The following RAB37 variants were observed in gnomAD, a reference collection of about 807,000 sequenced individuals.
RAB37 encodes the protein ras-related protein Rab-37.
In RAB37, 29 loss-of-function variants were observed where a neutral mutation model predicts 33.1. The ratio of observed to expected loss-of-function variants is 0.88; its 90% CI spans 0.65 to 1.20. RAB37 has a LOEUF of 1.20. Among genes scored for constraint, RAB37 ranks in the 50% most tolerant of loss-of-function variants. The probability of loss-of-function intolerance (pLI) is 0.00; values close to 1 mark genes in which losing one functional copy is unlikely to be tolerated. For missense variants in RAB37, 299 were observed against 301.1 expected, an observed-to-expected ratio of 0.99 and a Z score of 0.05; for synonymous variants, 128 against 119.5, an observed-to-expected ratio of 1.07 and a Z score of -0.47.
At chr17:74,712,761 T>G in intron 1 of RAB37, 1 of 1,584,440 alleles carries the variant, frequency 6.3e-7, no homozygotes, top group Non-Finnish European at 8.7e-7. Flanking sequence ...CCTTCTTCCC[T>G]CTCTCAGCCA....
intron 1 of RAB37, among the ~76,000 whole-genome samples, chr17:74,726,651 TGGGTG>T (rs906986908): frequency 6.6e-5 from 10 of 151,962 alleles, no homozygotes; most frequent in African/African-American, 2.4e-4. Context: ...GTTCAGGAGG[TGGGTG>T]GGGGCACAGT....
Position 74,744,821 on chromosome 17 carries a change from C to A in RAB37, c.433-52C>A. ...GCCTGCTTCTGGGGCAAAATATGGG[C>A]CCGCTGGGGCGGAGGCCTCCTTCCC... On this transcript the variant is annotated intron_variant, in intron 6 of 8. Transcript: ENST00000392613. The surrounding 1 kb of genome is among the most constrained non-coding windows in gnomAD (Gnocchi z 4.2). 2 of 1,608,458 alleles carry A rather than the reference C, an allele frequency of 1.2e-6. No homozygotes were observed. Among genetic ancestry groups the A allele is most frequent in the Non-Finnish European group, 8.5e-7 (1 of 1,174,868 alleles).
In RAB37 at chr17:74,671,381, G is replaced by T. The variant is rs2280177; in HGVS notation, c.-206G>T. 74,009 of 572,902 alleles carry T rather than the reference G, an allele frequency of 0.13. 5,595 individuals are homozygous for T. The highest frequency in any genetic ancestry group is 0.27 in the African/African-American group (14,237 of 53,310). The allele number at this position is 572,902 out of a possible 1,614,324, so 35.5% of individuals were successfully genotyped here. A position where few individuals can be genotyped will look rare whatever the true frequency, so the allele number is the denominator to read the frequency against. ...GAGTCGCTGTTCCTGGTGCTGAAACGCTCAGTCCTGGAAGAACGTGGCCGC... is the reference window on the plus strand; with the variant it reads ...GAGTCGCTGTTCCTGGTGCTGAAACTCTCAGTCCTGGAAGAACGTGGCCGC... On this transcript the variant is annotated 5_prime_UTR_variant, in exon 1 of 8. Transcript: ENST00000340415. This position sits in a 1 kb window ranked among gnomAD's most constrained non-coding sequence, Gnocchi z 5.0.
chr17:74,712,888 G>C, intron 1 of RAB37: 1 of 1,613,152 alleles, frequency 6.2e-7, no homozygotes, highest in Non-Finnish European at 8.5e-7. Flanking sequence ...ACAGGTCCCC[G>C]TTCCCCTCAG....
At position 74,671,313 on chromosome 17, in the gene RAB37, G is replaced by A. The variant is rs2031698645; in HGVS notation, c.-274G>A. ...GGAGTCCTAAGAGGCAGGGATTGGA[G>A]CGGACAGGATCTCAGAACTCTGGTC... On this transcript the variant is annotated 5_prime_UTR_variant, in exon 1 of 8. Transcript: ENST00000340415. This position sits in a 1 kb window ranked among gnomAD's most constrained non-coding sequence, Gnocchi z 5.0. 2 of 477,796 alleles carry A rather than the reference G, an allele frequency of 4.2e-6. No individual in the cohort carries two copies. The highest frequency in any genetic ancestry group is 7.6e-6 in the Non-Finnish European group (2 of 263,628). The allele number at this position is 477,796 out of a possible 1,614,324, so 29.6% of individuals were successfully genotyped here.
intron 1 of RAB37, among the ~76,000 whole-genome samples, chr17:74,728,230 G>A (rs1189483558): frequency 1.3e-5 from 2 of 151,970 alleles, no homozygotes; most frequent in African/African-American, 2.4e-5. Flanking sequence ...GTGTGCTTGT[G>A]TCTGTATATG....
At chr17:74,701,743 G>A (rs1384519356) in intron 1 of RAB37, among the ~76,000 whole-genome samples, 5 of 151,804 alleles carry the variant, frequency 3.3e-5, no homozygotes, top group South Asian at 4.2e-4. Context: ...GCAGCTACTC[G>A]AGAAGCTGAG....
intron 1 of RAB37, chr17:74,677,719 T>A (rs1030956602): frequency 4.6e-5 from 7 of 152,168 alleles, no homozygotes; most frequent in African/African-American, 1.7e-4. Context: ...GGCTGATAGG[T>A]CGGTCCTGCC....
chr17:74,683,195 G>A lies in RAB37; in HGVS notation c.72+11537G>A, dbSNP rs534976531. ...ACAAACTGCTGTCACCCTATGAAGCGATAGGCTTATTGGGGCTGCAGAGCC... is the reference window on the plus strand; with the variant it reads ...ACAAACTGCTGTCACCCTATGAAGCAATAGGCTTATTGGGGCTGCAGAGCC... On this transcript the variant is annotated intron_variant, in intron 1 of 7. Transcript: ENST00000340415. Among the ~76,000 whole-genome samples the A allele has an allele frequency of 5.3e-4, 81 of 152,304 alleles. 1 individual carries two copies. The South Asian group carries it at 0.015, about 29-fold the overall frequency.
upstream of RAB37, chr17:74,737,208 G>A: frequency 1.3e-6 from 2 of 1,532,916 alleles, no homozygotes; most frequent in South Asian, 2.4e-5. Context: ...GCGGGGCGGG[G>A]GTGGGGCCGT....
chr17:74,724,648 T>C (rs760518481), intron 1 of RAB37, among the ~76,000 whole-genome samples: 1 of 152,174 alleles, frequency 6.6e-6, no homozygotes, highest in Non-Finnish European at 1.5e-5. Context: ...GGTTTGGGGA[T>C]AGGCAGTGGA....
chr17:74,671,343 G>A lies in RAB37; in HGVS notation c.-244G>A, dbSNP rs563849663. 3.7e-6 allele frequency: 2 copies of A among 535,240 alleles called. No homozygotes were observed. The highest frequency in any genetic ancestry group is 2.6e-5 in the South Asian group (1 of 38,394). 33.2% of individuals were successfully genotyped at this position (535,240 alleles called of 1,614,324 possible). A position where few individuals can be genotyped will look rare whatever the true frequency, so the allele number is the denominator to read the frequency against. Reference sequence around the variant, plus strand: ...CAGGATCTCAGAACTCTGGTCCCGGGCGCACAACGGCGGAGTCGCTGTTCC... The same window carrying A: ...CAGGATCTCAGAACTCTGGTCCCGGACGCACAACGGCGGAGTCGCTGTTCC... On this transcript the variant is annotated 5_prime_UTR_variant, in exon 1 of 8. Transcript: ENST00000340415. This position sits in a 1 kb window ranked among gnomAD's most constrained non-coding sequence, Gnocchi z 5.0.
chr17:74,746,633 C>T lies in RAB37; in HGVS notation c.*1222C>T, dbSNP rs2034766160. 6.6e-6 allele frequency: 1 copy of T among 152,128 alleles called. No homozygotes were observed. The highest frequency in any genetic ancestry group is 1.5e-5 in the Non-Finnish European group (1 of 68,020). 9.4% of individuals were successfully genotyped at this position (152,128 alleles called of 1,614,324 possible). On this transcript the variant is annotated 3_prime_UTR_variant, in exon 9 of 9. Transcript: ENST00000392613. This position sits in a 1 kb window ranked among gnomAD's most constrained non-coding sequence, Gnocchi z 5.2. ...GGTTAAGAGCCAGATAAGGAGAAAT[C>T]CCTTTCCTAGGTTTGGAATGTGTTG... is the stretch of plus-strand genomic sequence containing the variant.
rs1424119059 is a variant in RAB37 at position 74,695,641 on chromosome 17, A to C, written c.72+23983A>C. Reference sequence around the variant, plus strand: ...CCTCCTCTATGCCCACATGAGCAGGAGAAAGCCCACCCTCCAACGGGGTGC... The same window carrying C: ...CCTCCTCTATGCCCACATGAGCAGGCGAAAGCCCACCCTCCAACGGGGTGC... On this transcript the variant is annotated intron_variant, in intron 1 of 7. Coordinates refer to the RAB37 transcript ENST00000340415. 1.9e-6 allele frequency: 3 copies of C among 1,593,046 alleles called. No individual in the cohort carries two copies. In the African/African-American group the frequency reaches 4.0e-5, roughly 21 times the overall value.
rs2034729386 is a variant in RAB37 at position 74,745,238 on chromosome 17, G to A, written c.567-68G>A. On this transcript the variant is annotated intron_variant, in intron 8 of 8. Coordinates refer to ENST00000392613, the MANE Select transcript of RAB37 (RefSeq NM_001006638.3). This position sits in a 1 kb window ranked among gnomAD's most constrained non-coding sequence, Gnocchi z 4.5. ...GGAGCACTGGGCCACTGGGAGAGGG[G>A]AGGGGGCGGCTCAGCTCCTCACCCC... is the stretch of plus-strand genomic sequence containing the variant. The A allele has an allele frequency of 1.9e-6, 3 of 1,548,492 alleles. No homozygotes were observed. The highest frequency in any genetic ancestry group is 2.2e-5 in the South Asian group (2 of 89,686).
rs11385089 is a variant in RAB37 at position 74,725,628 on chromosome 17, AT to A, written c.73-3615del. On this transcript the variant is annotated intron_variant, in intron 1 of 7. Coordinates refer to the RAB37 transcript ENST00000340415. Reference sequence around the variant, plus strand: ...AAGCTCTTAGAGTCATTATCAGTAGATTTTTTTTTTTTTGAGACGGAGTTTT... The same window carrying A: ...AAGCTCTTAGAGTCATTATCAGTAGATTTTTTTTTTTTGAGACGGAGTTTT... Among the ~76,000 whole-genome samples, 1,075 of 145,586 alleles carry A rather than the reference AT, an allele frequency of 7.4e-3. 2 individuals carry two copies. Among genetic ancestry groups the A allele is most frequent in the Non-Finnish European group, 0.011 (722 of 65,844 alleles).
At chr17:74,704,496 G>A (rs762766941) in intron 1 of RAB37, 6 of 1,612,668 alleles carry the variant, frequency 3.7e-6, no homozygotes, top group Admixed American at 1.7e-5. Context: ...ATGGTCACTT[G>A]AACTGTGACC....
At chr17:74,716,999 G>A (rs1012095843) in intron 1 of RAB37, among the ~76,000 whole-genome samples, 8 of 152,192 alleles carry the variant, frequency 5.3e-5, no homozygotes, top group African/African-American at 1.9e-4. Flanking sequence ...GCTTGGCATG[G>A]TGATAGGTAC....
intron 1 of RAB37, among the ~76,000 whole-genome samples, chr17:74,713,237 G>A (rs1391045934): frequency 1.3e-5 from 2 of 151,528 alleles, no homozygotes; most frequent in Non-Finnish European, 2.9e-5. Flanking sequence ...CCTAGTAGGC[G>A]GAGGTTGTAG....
Sources: allele counts gnomAD v4.1 joint callset (sites outside exome capture counted in the v4.1 genomes callset), GRCh38; gene constraint gnomAD v4.1.1; non-coding constraint Gnocchi (gnomAD v3.1); transcripts MANE v1.5; gene names NCBI Gene and HGNC (gene_info 2026-07-23, HGNC 2026-07-21).